The following GLG1 variants were observed in gnomAD, a reference collection of about 807,000 sequenced individuals.
GLG1 encodes golgi glycoprotein 1, also known as Golgi apparatus protein 1.
Under a neutral mutation model 160.5 loss-of-function variants are expected in GLG1, and 38 were observed. That is an observed-to-expected ratio of 0.24 (90% CI 0.18 to 0.31). The LOEUF (loss-of-function observed/expected upper bound fraction) is 0.31, where lower values mean the gene tolerates loss of function less well. Ranked by LOEUF, GLG1 falls within the 10% of genes least tolerant of loss-of-function variation. The pLI is 1.00. For synonymous variants in GLG1, 644 were observed against 543.4 expected (o/e 1.19, Z -2.57); for missense variants, 1,373 against 1,505.2 (o/e 0.91, Z 1.45).
At chr16:74,532,903 A>T (rs553706761) in intron 1 of GLG1, among the ~76,000 whole-genome samples, 2 of 152,186 alleles carry the variant, frequency 1.3e-5, no homozygotes, top group Non-Finnish European at 1.5e-5. Context: ...ATCTCTAGGT[A>T]CTGTTTTTGA....
intron 1 of GLG1, among the ~76,000 whole-genome samples, chr16:74,604,986 C>T (rs2143929926): frequency 6.6e-6 from 1 of 152,248 alleles, no homozygotes; most frequent in African/African-American, 2.4e-5. Flanking sequence ...GTGGAGGTTG[C>T]AGTGAGCCAA....
chr16:74,523,219 T>C (rs752861540), intron 2 of GLG1, among the ~76,000 whole-genome samples: 2 of 152,216 alleles, frequency 1.3e-5, no homozygotes, highest in Non-Finnish European at 2.9e-5. Context: ...AATTTTACTG[T>C]TTTACTTTTC....
intron 1 of GLG1, among the ~76,000 whole-genome samples, chr16:74,532,864 T>C (rs2017583367): frequency 6.6e-6 from 1 of 152,148 alleles, no homozygotes; most frequent in Non-Finnish European, 1.5e-5. Flanking sequence ...ATGCTGCTAT[T>C]GGGGGAAGCT....
chr16:74,459,017 G>A (rs1487309736), intron 23 of GLG1, among the ~76,000 whole-genome samples: 1 of 152,026 alleles, frequency 6.6e-6, no homozygotes, highest in Non-Finnish European at 1.5e-5. Flanking sequence ...AAAACCAAAG[G>A]CCAAATAATA....
At chr16:74,470,305 C>CAT (rs2015152332) in intron 15 of GLG1, among the ~76,000 whole-genome samples, 4 of 142,780 alleles carry the variant, frequency 2.8e-5, no homozygotes, top group Admixed American at 7.0e-5. Flanking sequence ...TCCTTCCTTC[C>CAT]CTCCCTCCCT....
At position 74,452,684 on chromosome 16, in the gene GLG1, G is replaced by GCAC; in HGVS notation, c.*482_*483insGTG. ...GAGACACCTCAGTCATGGCACACTGGGTGGTGTGCTTCCCCTCCAAGTCCT... is the reference window on the plus strand; with the variant it reads ...GAGACACCTCAGTCATGGCACACTGGCACGTGGTGTGCTTCCCCTCCAAGTCCT... On this transcript the variant is annotated 3_prime_UTR_variant, in exon 26 of 26. Coordinates refer to ENST00000422840, the MANE Select transcript of GLG1 (RefSeq NM_001145667.2). 10 of 993,504 alleles carry GCAC rather than the reference G, an allele frequency of 1.0e-5. No homozygotes were observed. Among genetic ancestry groups the GCAC allele is most frequent in the Non-Finnish European group, 1.2e-5 (10 of 834,348 alleles). 61.5% of individuals were successfully genotyped at this position (993,504 alleles called of 1,614,324 possible).
At chr16:74,471,701 A>G (rs974000577) in intron 14 of GLG1, among the ~76,000 whole-genome samples, 2 of 152,134 alleles carry the variant, frequency 1.3e-5, no homozygotes, top group African/African-American at 4.8e-5. Context: ...AGGAGCCACT[A>G]TTACTGCTAA....
In GLG1 at chr16:74,523,650, T is replaced by C. The variant is rs143099251; in HGVS notation, c.471+8471A>G. Among the ~76,000 whole-genome samples the C allele has an allele frequency of 9.1e-4, 139 of 152,188 alleles. 3 individuals are homozygous for C. The East Asian group carries it at 0.026, about 28-fold the overall frequency. ...TTATCTGTAGAGTGGTCTTACACAT[T>C]TTTGTTAGATTTATTCTTAAGTATT... On this transcript the variant is annotated intron_variant, in intron 2 of 25. Coordinates refer to ENST00000422840, the MANE Select transcript of GLG1 (RefSeq NM_001145667.2).
chr16:74,590,201 A>T (rs1237963197), intron 1 of GLG1, among the ~76,000 whole-genome samples: 2 of 151,906 alleles, frequency 1.3e-5, no homozygotes, highest in African/African-American at 2.4e-5. Flanking sequence ...GGATTTCACC[A>T]TGTTAGCCAG....
intron 11 of GLG1, among the ~76,000 whole-genome samples, chr16:74,479,722 C>T (rs918324776): frequency 1.3e-5 from 2 of 152,084 alleles, no homozygotes; most frequent in African/African-American, 2.4e-5. Context: ...CAGTGCGCAC[C>T]GGGAAGCAGC....
At chr16:74,492,823 GAA>G (rs370571319) in intron 7 of GLG1, 132 bp downstream of exon 7, 3,954 of 325,922 alleles carry the variant, frequency 0.012, no homozygotes, top group South Asian at 0.016. Flanking sequence ...TCCGTCTCAA[GAA>G]AAAAAAAAAA....
chr16:74,480,212 A>T, intron 11 of GLG1, 29 bp downstream of exon 11: 1 of 1,546,306 alleles, frequency 6.5e-7, no homozygotes, highest in Non-Finnish European at 8.9e-7. Context: ...TGACAAGAAG[A>T]AGAAATGAAG....
chr16:74,528,389 T>C (rs2017408978), intron 2 of GLG1, among the ~76,000 whole-genome samples: 1 of 152,192 alleles, frequency 6.6e-6, no homozygotes, highest in Admixed American at 6.5e-5. Context: ...ATTGTTTCAT[T>C]TGCTCTAGTT....
chr16:74,484,692 G>C (rs941677331), intron 9 of GLG1, among the ~76,000 whole-genome samples: 1 of 152,064 alleles, frequency 6.6e-6, no homozygotes, highest in Non-Finnish European at 1.5e-5. Flanking sequence ...ACTGGGATCC[G>C]GGAGGCAGAG....
At chr16:74,456,814 T>C (rs2014565669) in intron 24 of GLG1, 59 bp from the exon 25 acceptor site, 7 of 1,014,068 alleles carry the variant, frequency 6.9e-6, no homozygotes, top group Non-Finnish European at 1.1e-5. Flanking sequence ...GAGAAATTTC[T>C]GTAAAGATGA....
At chr16:74,498,367 G>A (rs148849938) in intron 4 of GLG1, among the ~76,000 whole-genome samples, 4,069 of 142,054 alleles carry the variant, frequency 0.029, 82 homozygotes, top group Non-Finnish European at 0.045. Flanking sequence ...AGGAGGTAGA[G>A]GTTGCAGGGA....
At chr16:74,597,101 A>G (rs1958323561) in intron 1 of GLG1, among the ~76,000 whole-genome samples, 1 of 151,992 alleles carries the variant, frequency 6.6e-6, no homozygotes, top group Admixed American at 6.6e-5. Flanking sequence ...CCTGGGCAAG[A>G]GAGTGAGACC....
At chr16:74,499,898 G>A (rs1228819220) in intron 4 of GLG1, among the ~76,000 whole-genome samples, 1 of 152,138 alleles carries the variant, frequency 6.6e-6, no homozygotes, top group Non-Finnish European at 1.5e-5. Flanking sequence ...AGCCACTCAG[G>A]AGGCTGAGGC....
At chr16:74,470,104 T>C (rs2143237910) in intron 15 of GLG1, 31 bp from the exon 16 acceptor site, 1 of 1,437,730 alleles carries the variant, frequency 7.0e-7, no homozygotes. Context: ...AAGTCAGAAG[T>C]TTTGTGGCAA....
Sources: allele counts gnomAD v4.1 joint callset (sites outside exome capture counted in the v4.1 genomes callset), GRCh38; gene constraint gnomAD v4.1.1; transcripts MANE v1.5; gene names NCBI Gene and HGNC (gene_info 2026-07-23, HGNC 2026-07-21).